The following IL5RA variants were observed in gnomAD, a reference collection of about 807,000 sequenced individuals.
The protein encoded by IL5RA is interleukin-5 receptor subunit alpha.
A neutral mutation model predicts 50.0 loss-of-function variants in IL5RA; 49 were observed. The observed-to-expected ratio is 0.98, with a 90% confidence interval of 0.78 to 1.24. IL5RA has a LOEUF of 1.24. Among genes scored for constraint, IL5RA ranks in the 50% most tolerant of loss-of-function variants. The probability of loss-of-function intolerance (pLI) is 0.00; values close to 1 mark genes in which losing one functional copy is unlikely to be tolerated. For synonymous variants in IL5RA, 202 were observed against 174.0 expected (o/e 1.16, Z -1.26); for missense variants, 600 against 500.4 (o/e 1.20, Z -1.90).
At chr3:3,097,148 G>A (rs905706000) in intron 7 of IL5RA, among the ~76,000 whole-genome samples, 3 of 152,202 alleles carry the variant, frequency 2.0e-5, no homozygotes, top group African/African-American at 7.2e-5. Flanking sequence ...AGAACTATCT[G>A]GGATGAGGGA....
intron 2 of IL5RA, among the ~76,000 whole-genome samples, chr3:3,108,091 T>A (rs967486329): frequency 2.0e-5 from 3 of 152,182 alleles, no homozygotes; most frequent in Non-Finnish European, 2.9e-5. Context: ...GGATTCATGC[T>A]CTGGTAGGCT....
intron 2 of IL5RA, among the ~76,000 whole-genome samples, chr3:3,107,486 A>T (rs1265933327): frequency 2.0e-5 from 3 of 152,186 alleles, no homozygotes; most frequent in Non-Finnish European, 4.4e-5. Flanking sequence ...CTATAAAAGA[A>T]TAGAGCGACT....
In IL5RA at chr3:3,088,327, T is replaced by C. The variant is rs966589359; in HGVS notation, c.994+3897A>G. Reference sequence around the variant, plus strand: ...ACTTATATTTTACAGGTGAGGATGCTAAGCCCAGAGAGGTTAGGTGTAGAC... The same window carrying C: ...ACTTATATTTTACAGGTGAGGATGCCAAGCCCAGAGAGGTTAGGTGTAGAC... On this transcript the variant is annotated intron_variant, in intron 9 of 11. Coordinates refer to ENST00000446632, the MANE Select transcript of IL5RA (RefSeq NM_175726.4). 2.6e-5 allele frequency among the ~76,000 whole-genome samples: 4 copies of C among 152,156 alleles called. No individual in the cohort carries two copies. The East Asian group carries it at 7.7e-4, about 29-fold the overall frequency.
At chr3:3,097,820 C>T in intron 7 of IL5RA, 50 bp downstream of exon 7, 1 of 1,566,832 alleles carries the variant, frequency 6.4e-7, no homozygotes, top group Non-Finnish European at 8.7e-7. Flanking sequence ...CCTTCCAGTG[C>T]TGAGATTCCG....
In IL5RA at chr3:3,102,734, C is replaced by G. The variant is rs757185057; in HGVS notation, c.169G>C (p.Glu57Gln). ...TATTCTAGATTAACATTCCTTTGCT[C>G]TTGATCAGGATTTGGTTTCCATTGT... ...LLQWKPNPDQ[E>Q]QRNVNLEYQV... Residue 57 changes from glutamate to glutamine, a missense_variant, in exon 4 of 12, where the codon GAG (glutamate) becomes CAG (glutamine). Coordinates refer to ENST00000446632, the MANE Select transcript of IL5RA (RefSeq NM_175726.4). The G allele has an allele frequency of 1.9e-6, 3 of 1,609,960 alleles. No homozygotes were observed. Among genetic ancestry groups the G allele is most frequent in the Non-Finnish European group, 2.5e-6 (3 of 1,177,016 alleles).
intron 5 of IL5RA, among the ~76,000 whole-genome samples, chr3:3,100,652 T>C (rs1377127749): frequency 6.6e-6 from 1 of 152,214 alleles, no homozygotes; most frequent in East Asian, 1.9e-4. Context: ...GTTCAGAGGA[T>C]AATTAGAATT....
intron 9 of IL5RA, chr3:3,090,167 A>G: frequency 3.1e-6 from 5 of 1,589,654 alleles, no homozygotes; most frequent in Non-Finnish European, 4.3e-6. Context: ...ATTAAAAAAC[A>G]CATGTAATCT....
chr3:3,092,644 A>G lies in IL5RA; in HGVS notation c.856-282T>C, dbSNP rs1703178812. 6.6e-6 allele frequency among the ~76,000 whole-genome samples: 1 copy of G among 152,226 alleles called. No homozygotes were observed. On this transcript the variant is annotated intron_variant, in intron 8 of 11. Coordinates refer to ENST00000446632, the MANE Select transcript of IL5RA (RefSeq NM_175726.4). This position sits in a 1 kb window ranked among gnomAD's most constrained non-coding sequence, Gnocchi z 4.2. ...GGCCCAGCTGATGTTTCCAGACTGA[A>G]AGACTGGAGTGGCCTATGCTAGAAT...
rs144041127 is a variant in IL5RA, at chr3:3,077,019, AC to A, written c.995-393del. ...CACAAAAAGATAAGCCTATTGAGTAACCCAATGGCATCACAATCAAAATACA... is the reference window on the plus strand; with the variant it reads ...CACAAAAAGATAAGCCTATTGAGTAACCAATGGCATCACAATCAAAATACA... On this transcript the variant is annotated intron_variant, in intron 9 of 11. Coordinates refer to ENST00000446632, the MANE Select transcript of IL5RA (RefSeq NM_175726.4). Among the ~76,000 whole-genome samples the A allele has an allele frequency of 8.1e-3, 1,238 of 152,344 alleles. 19 individuals are homozygous for A. Among genetic ancestry groups the A allele is most frequent in the African/African-American group, 0.028 (1,178 of 41,570 alleles).
chr3:3,070,108 G>C lies in IL5RA; in HGVS notation c.*117C>G. On this transcript the variant is annotated 3_prime_UTR_variant, in exon 12 of 12. Coordinates refer to ENST00000446632, the MANE Select transcript of IL5RA (RefSeq NM_175726.4). ...GTGTGTCTGGGTGTATTGCTTCGCA[G>C]GTAAATTGAGTGTTGCCTAAATTCT... 1 of 688,032 alleles carries C rather than the reference G, an allele frequency of 1.5e-6. No individual in the cohort carries two copies. The highest frequency in any genetic ancestry group is 1.8e-5 in the South Asian group (1 of 54,960). 42.6% of individuals were successfully genotyped at this position (688,032 alleles called of 1,614,324 possible).
At chr3:3,079,788 C>A (rs2125957896) in intron 9 of IL5RA, among the ~76,000 whole-genome samples, 1 of 152,294 alleles carries the variant, frequency 6.6e-6, no homozygotes, top group East Asian at 1.9e-4. Context: ...GTAATCCCAG[C>A]ACTTTGGGAG....
In IL5RA at chr3:3,110,111, C is replaced by T. The variant is rs1339493671; in HGVS notation, c.-312G>A. ...CTTCCTTCATGATGGGATGGCAACA[C>T]GTTTTCTCTAAGCAAATATGGAGGA... On this transcript the variant is annotated 5_prime_UTR_variant, in exon 1 of 12. The change creates a new upstream start codon in the 5' untranslated region. Coordinates refer to ENST00000446632, the MANE Select transcript of IL5RA (RefSeq NM_175726.4). 1.3e-5 allele frequency: 2 copies of T among 152,168 alleles called. No homozygotes were observed. The highest frequency in any genetic ancestry group is 2.9e-5 in the Non-Finnish European group (2 of 68,044). 9.4% of individuals were successfully genotyped at this position (152,168 alleles called of 1,614,324 possible).
chr3:3,109,507 A>C (rs2125990129), intron 1 of IL5RA, among the ~76,000 whole-genome samples: 1 of 152,300 alleles, frequency 6.6e-6, no homozygotes, highest in Middle Eastern at 3.4e-3. Context: ...TTTTAATTGC[A>C]TAATTATCTG....
intron 9 of IL5RA, among the ~76,000 whole-genome samples, chr3:3,084,395 C>G (rs1308261507): frequency 6.6e-6 from 1 of 152,178 alleles, no homozygotes; most frequent in African/African-American, 2.4e-5. Context: ...ACCAAATATT[C>G]TAGATACTGA....
intron 11 of IL5RA, chr3:3,073,966 T>C: frequency 1.1e-5 from 3 of 261,326 alleles, no homozygotes; most frequent in South Asian, 1.1e-4. Context: ...ATAAAACCAA[T>C]CAGATAGTCC....
Position 3,067,959 on chromosome 3 carries a change from G to C in IL5RA, c.*2266C>G, listed in dbSNP as rs986574294. 3.7e-4 allele frequency: 57 copies of C among 152,206 alleles called. No individual in the cohort carries two copies. The highest frequency in any genetic ancestry group is 1.3e-4 in the Admixed American group (2 of 15,282). The allele number at this position is 152,206 out of a possible 1,614,324, so 9.4% of individuals were successfully genotyped here. A position where few individuals can be genotyped will look rare whatever the true frequency, so the allele number is the denominator to read the frequency against. ...CCACAATGCCAACTGTCTGGGTTGT[G>C]GTTTGAAAGAGATCAGACAGGGTGC... On this transcript the variant is annotated 3_prime_UTR_variant, in exon 12 of 12. Transcript: ENST00000446632.
chr3:3,107,023 C>G (rs1232065817), intron 2 of IL5RA, among the ~76,000 whole-genome samples: 2 of 151,864 alleles, frequency 1.3e-5, no homozygotes, highest in Non-Finnish European at 2.9e-5. Context: ...AGCACTCTCC[C>G]CTAGAATTTG....
At chr3:3,098,078 G>C in intron 6 of IL5RA, 21 bp from the exon 7 acceptor site, 1 of 1,614,060 alleles carries the variant, frequency 6.2e-7, no homozygotes, top group East Asian at 2.2e-5. Context: ...ACATTTACGA[G>C]TGTTATGAGG....
chr3:3,104,813 C>G, intron 3 of IL5RA, 90 bp downstream of exon 3: 1 of 747,498 alleles, frequency 1.3e-6, no homozygotes. Context: ...ATATAATGTT[C>G]TAATCGACAG....
Sources: allele counts gnomAD v4.1 joint callset (sites outside exome capture counted in the v4.1 genomes callset), GRCh38; gene constraint gnomAD v4.1.1; non-coding constraint Gnocchi (gnomAD v3.1); transcripts MANE v1.5; gene names NCBI Gene and HGNC (gene_info 2026-07-23, HGNC 2026-07-21).